TPCN2: variants seen among roughly 807,000 people sequenced by gnomAD.
TPCN2 encodes the protein two pore segment channel 2, also known as two pore channel protein 2.
In TPCN2, 92 loss-of-function variants were observed where a neutral mutation model predicts 111.4. The ratio of observed to expected loss-of-function variants is 0.83; its 90% CI spans 0.70 to 0.98. The LOEUF (loss-of-function observed/expected upper bound fraction) is 0.98, where lower values mean the gene tolerates loss of function less well. Among genes scored for constraint, TPCN2 ranks in the 50% least tolerant of loss-of-function variants. TPCN2 has a pLI of 0.00. For synonymous variants in TPCN2, 405 were observed against 414.5 expected, an observed-to-expected ratio of 0.98 and a Z score of 0.28; for missense variants, 995 against 980.1, an observed-to-expected ratio of 1.02 and a Z score of -0.20.
At chr11:69,078,839 C>T in intron 15 of TPCN2, 46 bp downstream of exon 15, 1 of 1,614,084 alleles carries the variant, frequency 6.2e-7, no homozygotes, top group East Asian at 2.2e-5. Context: ...TGAGGCTGGG[C>T]AGTGCTGGCA....
intron 4 of TPCN2, among the ~76,000 whole-genome samples, chr11:69,056,588 C>T (rs557401943): frequency 1.2e-4 from 19 of 152,286 alleles, no homozygotes; most frequent in African/African-American, 4.3e-4. Context: ...GGCTGGAGTG[C>T]AGTGGTGCAG....
At chr11:69,086,388 A>AGC (rs952756414) in intron 22 of TPCN2, 135 bp from the exon 23 acceptor site, 44 of 740,832 alleles carry the variant, frequency 5.9e-5, no homozygotes, top group Admixed American at 5.6e-4. Context: ...AGATGGAAAT[A>AGC]GTAACGCGCT....
At chr11:69,086,985 G>A in intron 23 of TPCN2, 127 bp from the exon 24 acceptor site, 1 of 735,914 alleles carries the variant, frequency 1.4e-6, no homozygotes, top group Non-Finnish European at 2.3e-6. Context: ...CTGTGCCTGG[G>A]TGTCCAGGGT....
At position 69,088,651 on chromosome 11, in the gene TPCN2, G is replaced by C. The variant is rs1856365056; in HGVS notation, c.*698G>C. 6.6e-6 allele frequency: 1 copy of C among 151,964 alleles called. No homozygotes were observed. Among genetic ancestry groups the C allele is most frequent in the African/African-American group, 2.4e-5 (1 of 41,198 alleles). 9.4% of individuals were successfully genotyped at this position (151,964 alleles called of 1,614,324 possible). ...GGGGGCTGTCTACCTGCAGTGAGGG[G>C]CACCTTTTCTGTTTTGCTCAAAGGC... is the stretch of plus-strand genomic sequence containing the variant. On this transcript the variant is annotated 3_prime_UTR_variant, in exon 25 of 25. Transcript: ENST00000294309.
chr11:69,062,940 G>A lies in TPCN2; in HGVS notation c.603G>A (p.Met201Ile), dbSNP rs368786729. 4.2e-5 allele frequency: 67 copies of A among 1,613,904 alleles called. No individual in the cohort carries two copies. The highest frequency in any genetic ancestry group is 5.6e-5 in the Non-Finnish European group (66 of 1,179,930). ...TCTTCCTGCTGCAGAACTCCTCTATGATGAAGAAGACCTTGAAATGCATCC... is the reference window on the plus strand; with the variant it reads ...TCTTCCTGCTGCAGAACTCCTCTATAATGAAGAAGACCTTGAAATGCATCC... ...RPFFLLQNSSMMKKTLKCIRW... is the reference protein window; with the variant it reads ...RPFFLLQNSSIMKKTLKCIRW... Residue 201 changes from methionine to isoleucine, a missense_variant, in exon 6 of 25, where the codon ATG becomes ATA. Transcript: ENST00000294309.
intron 1 of TPCN2, among the ~76,000 whole-genome samples, chr11:69,050,638 A>G (rs146396637): frequency 0.039 from 5,953 of 152,296 alleles, 250 homozygotes; most frequent in East Asian, 0.11. Flanking sequence ...TCGGCCTCCC[A>G]AAGTGGTGGG....
chr11:69,075,706 C>T (rs1334672310), intron 13 of TPCN2, among the ~76,000 whole-genome samples: 3 of 152,214 alleles, frequency 2.0e-5, no homozygotes, highest in Non-Finnish European at 4.4e-5. Flanking sequence ...CGTGTGGGGT[C>T]ACTGCCTGGG....
chr11:69,055,098 T>C, intron 3 of TPCN2, 77 bp from the exon 4 acceptor site: 3 of 1,493,578 alleles, frequency 2.0e-6, no homozygotes, highest in Non-Finnish European at 2.7e-6. Flanking sequence ...TGCTTCGGAC[T>C]GGGGAAGCTC....
At chr11:69,085,343 G>GGGA in intron 20 of TPCN2, 57 bp downstream of exon 20, 3 of 581,862 alleles carry the variant, frequency 5.2e-6, no homozygotes, top group African/African-American at 1.9e-5. Flanking sequence ...GGGTGGGCGG[G>GGGA]AAGCCTTGGC....
At chr11:69,057,536 G>A (rs1467534159) in intron 4 of TPCN2, 42 bp from the exon 5 acceptor site, 5 of 1,568,394 alleles carry the variant, frequency 3.2e-6, no homozygotes, top group East Asian at 2.2e-5. Flanking sequence ...CAGGGCCAGC[G>A]TGTGGGGCTA....
At position 69,085,222 on chromosome 11, in the gene TPCN2, G is replaced by A. The variant is rs762260431; in HGVS notation, c.1774G>A (p.Val592Ile). 34 of 1,603,640 alleles carry A rather than the reference G, an allele frequency of 2.1e-5. No homozygotes were observed. The South Asian group carries it at 3.1e-4, about 15-fold the overall frequency. ...FGGILVVVYY[V>I]FAIIGINLFR... The stretch of plus-strand genomic sequence containing the variant: ...CCTGGCCCGCCAGGTGGTCTACTAC[G>A]TATTTGCCATCATTGGGATCAACTT... The change falls in exon 20 of 25, where the codon GTA (valine) becomes ATA (isoleucine). Residue 592 changes from valine to isoleucine, a missense_variant. By Grantham distance (29) the Val-to-Ile change is conservative. Coordinates refer to ENST00000294309, the MANE Select transcript of TPCN2 (RefSeq NM_139075.4).
At position 69,054,097 on chromosome 11, in the gene TPCN2, G is replaced by A. The variant is rs760378430; in HGVS notation, c.174G>A (p.Gln58=). The A allele has an allele frequency of 3.1e-6, 5 of 1,612,862 alleles. No individual in the cohort carries two copies. The highest frequency in any genetic ancestry group is 1.7e-5 in the Admixed American group (1 of 59,978). ...QAVVFIEDAI[Q]YRSINHRVDA... The stretch of plus-strand genomic sequence containing the variant: ...TGGTCTTCATCGAAGATGCTATTCA[G>A]GTCGGTGGCACCTGCTCCCTGTGGC... The change falls in exon 2 of 25, where the codon CAG becomes CAA. Residue 58 remains glutamine (Q), a splice_region_variant and synonymous_variant. Coordinates refer to ENST00000294309, the MANE Select transcript of TPCN2 (RefSeq NM_139075.4).
chr11:69,085,587 C>A, intron 20 of TPCN2, 84 bp from the exon 21 acceptor site: 2 of 951,400 alleles, frequency 2.1e-6, no homozygotes, highest in Non-Finnish European at 3.3e-6. Context: ...AGGCTGAGCA[C>A]GCCAGCAGAG....
intron 7 of TPCN2, among the ~76,000 whole-genome samples, chr11:69,065,988 G>C (rs569010726): frequency 6.6e-6 from 1 of 152,236 alleles, no homozygotes; most frequent in Admixed American, 6.5e-5. Flanking sequence ...GAGGAGGAGC[G>C]TGAGGCCTGC....
At chr11:69,081,936 C>G (rs12576418) in intron 18 of TPCN2, among the ~76,000 whole-genome samples, 1 of 152,108 alleles carries the variant, frequency 6.6e-6, no homozygotes, top group Admixed American at 6.5e-5. Context: ...TCATGACCAT[C>G]TCTGAGGGCT....
rs556699850 is a variant in TPCN2 at position 69,086,685 on chromosome 11, G to A, written c.2085+81G>A. The A allele has an allele frequency of 4.5e-5, 62 of 1,373,626 alleles. No individual in the cohort carries two copies. The Middle Eastern group carries it at 1.4e-3, about 31-fold the overall frequency. 85.1% of individuals were successfully genotyped at this position (1,373,626 alleles called of 1,614,324 possible). The stretch of plus-strand genomic sequence containing the variant: ...CTCGATGGGCCTGAGGCCACCGGCC[G>A]GGCCTGCCTGGAACTTTGATGGGAG... On this transcript the variant is annotated intron_variant, in intron 23 of 24. Coordinates refer to ENST00000294309, the MANE Select transcript of TPCN2 (RefSeq NM_139075.4).
In TPCN2 at chr11:69,057,115, G is replaced by C. The variant is rs950173603; in HGVS notation, c.430-463G>C. ...GGCCTCCCAAAGTGCTGGGATTACA[G>C]GCGTGAGCCACCGCCTTCTGGGGAC... On this transcript the variant is annotated intron_variant, in intron 4 of 24. Coordinates refer to ENST00000294309, the MANE Select transcript of TPCN2 (RefSeq NM_139075.4). 4.6e-5 allele frequency among the ~76,000 whole-genome samples: 7 copies of C among 152,378 alleles called. No homozygotes were observed. The East Asian group carries it at 1.2e-3, about 25-fold the overall frequency.
chr11:69,085,988 C>T (rs1473372627), intron 22 of TPCN2, 58 bp downstream of exon 22: 1 of 1,523,546 alleles, frequency 6.6e-7, no homozygotes, highest in Non-Finnish European at 9.0e-7. Flanking sequence ...GGTTCCCTCA[C>T]CTCCGGGCAC....
intron 13 of TPCN2, among the ~76,000 whole-genome samples, chr11:69,074,664 G>T (rs1255705434): frequency 6.6e-6 from 1 of 152,174 alleles, no homozygotes; most frequent in African/African-American, 2.4e-5. Context: ...GGCCAAGAGA[G>T]ATTTCAGCAT....
Sources: gnomAD v4.1 joint callset for allele counts (sites outside exome capture counted in the v4.1 genomes callset) on GRCh38, gnomAD v4.1.1 for gene constraint, MANE v1.5 for transcripts, NCBI Gene and HGNC (gene_info 2026-07-23, HGNC 2026-07-21) for gene names.